The following PHKG1 variants were observed in gnomAD, a reference collection of about 807,000 sequenced individuals.
PHKG1 encodes the protein phosphorylase kinase catalytic subunit gamma 1, also known as phosphorylase b kinase gamma catalytic chain, skeletal muscle/heart isoform.
Under a neutral mutation model 50.5 loss-of-function variants are expected in PHKG1, and 48 were observed. That is an observed-to-expected ratio of 0.95 (90% CI 0.75 to 1.21). The LOEUF (loss-of-function observed/expected upper bound fraction) is 1.21, where lower values mean the gene tolerates loss of function less well. Ranked by LOEUF, PHKG1 falls within the 50% of genes most tolerant of loss-of-function variation. PHKG1 has a pLI of 0.00. For synonymous variants in PHKG1, 204 were observed against 212.8 expected (o/e 0.96, Z 0.36); for missense variants, 487 against 519.5 (o/e 0.94, Z 0.61).
intron 1 of PHKG1, among the ~76,000 whole-genome samples, chr7:56,091,999 G>A (rs902774686): frequency 2.0e-5 from 3 of 152,192 alleles, no homozygotes; most frequent in Admixed American, 6.6e-5. Context: ...GCTGGGTAGC[G>A]CTAGCTCTCT....
intron 4 of PHKG1, chr7:56,086,749 A>G: frequency 3.5e-6 from 2 of 566,414 alleles, no homozygotes; most frequent in East Asian, 2.9e-5. Context: ...TACTGATGAG[A>G]AAACCAAGAT....
intron 1 of PHKG1, among the ~76,000 whole-genome samples, chr7:56,091,229 A>G (rs1796483248): frequency 1.3e-5 from 2 of 150,064 alleles, no homozygotes; most frequent in African/African-American, 4.9e-5. Flanking sequence ...AAAATAAGAC[A>G]AAACAGGCTG....
At chr7:56,087,868 A>G in intron 2 of PHKG1, 92 bp from the exon 3 acceptor site, 1 of 972,156 alleles carries the variant, frequency 1.0e-6, no homozygotes, top group Non-Finnish European at 1.6e-6. Context: ...CCTGCCCTTG[A>G]CAGAGATTTA....
At position 56,080,891 on chromosome 7, in the gene PHKG1, T is replaced by C; in HGVS notation, c.*163A>G. ...GTGGTGGGAACACCCACTTCCCTTGTGCACAGCCTTTGAGAGGGGATCGTG... is the reference window on the plus strand; with the variant it reads ...GTGGTGGGAACACCCACTTCCCTTGCGCACAGCCTTTGAGAGGGGATCGTG... On this transcript the variant is annotated 3_prime_UTR_variant, in exon 10 of 10. Coordinates refer to ENST00000297373, the MANE Select transcript of PHKG1 (RefSeq NM_006213.5). 1.3e-6 allele frequency: 1 copy of C among 797,370 alleles called. No individual in the cohort carries two copies. Among genetic ancestry groups the C allele is most frequent in the Non-Finnish European group, 1.9e-6 (1 of 513,622 alleles). 49.4% of individuals were successfully genotyped at this position (797,370 alleles called of 1,614,324 possible). A position where few individuals can be genotyped will look rare whatever the true frequency, so the allele number is the denominator to read the frequency against.
At chr7:56,082,606 G>A (rs537014186) in intron 6 of PHKG1, among the ~76,000 whole-genome samples, 10 of 151,716 alleles carry the variant, frequency 6.6e-5, no homozygotes, top group Admixed American at 6.6e-4. Flanking sequence ...AAAAAAGAGA[G>A]GAAGTCCAAA....
At chr7:56,082,109 A>C in intron 7 of PHKG1, 54 bp downstream of exon 7, 1 of 1,611,068 alleles carries the variant, frequency 6.2e-7, no homozygotes, top group South Asian at 1.1e-5. Context: ...AGCCCTGCCT[A>C]CTTCCTCCCT....
Position 56,081,199 on chromosome 7 carries a change from AG to A in PHKG1, c.1018del (p.Leu340SerfsTer20). On this transcript the variant is annotated frameshift_variant, in exon 10 of 10. Coordinates refer to ENST00000297373, the MANE Select transcript of PHKG1 (RefSeq NM_006213.5). LOFTEE classifies it high-confidence loss of function. The surrounding 1 kb of genome is among the most constrained non-coding windows in gnomAD (Gnocchi z 4.6). ...GTCGATGAGCCGGCGCAGAGGCCGG[AG>A]GGCATAGGGGTCTCGGATGACGATC... Reference protein sequence around the residue: ...REIVIRDPYALRPLRRLIDAY... With the variant: ...REIVIRDPYAXRPLRRLIDAY... 6.2e-7 allele frequency: 1 copy of A among 1,613,902 alleles called. No homozygotes were observed. Among genetic ancestry groups the A allele is most frequent in the South Asian group, 1.1e-5 (1 of 91,078 alleles).
Position 56,081,712 on chromosome 7 carries a change from G to T in PHKG1, c.836C>A (p.Ala279Glu). Reference sequence around the variant, plus strand: ...GAAGGGGTGTGCCAAGGCCTCTTCCGCTGTGTAGCGGTTCTGGGGTTGCAC... The same window carrying T: ...GAAGGGGTGTGCCAAGGCCTCTTCCTCTGTGTAGCGGTTCTGGGGTTGCAC... ...LVVQPQNRYT[A>E]EEALAHPFFQ... Residue 279 changes from alanine (A) to glutamate (E), a missense_variant, in exon 9 of 10, where the codon GCG becomes GAG. Physicochemically the swap from Ala to Glu is moderately radical, Grantham distance 107. Coordinates refer to ENST00000297373, the MANE Select transcript of PHKG1 (RefSeq NM_006213.5). This position sits in a 1 kb window ranked among gnomAD's most constrained non-coding sequence, Gnocchi z 4.6. 1 of 1,613,868 alleles carries T rather than the reference G, an allele frequency of 6.2e-7. No homozygotes were observed. Among genetic ancestry groups the T allele is most frequent in the South Asian group, 1.1e-5 (1 of 91,086 alleles).
chr7:56,083,267 T>C lies in PHKG1; in HGVS notation c.547+11A>G, dbSNP rs752747377. ...GAGGCCTGGACGTGGGCCAAGGCCA[T>C]GTTACCAGACCTCGCAGCCTCTCTC... On this transcript the variant is annotated intron_variant, in intron 6 of 9. Coordinates refer to ENST00000297373, the MANE Select transcript of PHKG1 (RefSeq NM_006213.5). 1 of 1,613,610 alleles carries C rather than the reference T, an allele frequency of 6.2e-7. No homozygotes were observed. Among genetic ancestry groups the C allele is most frequent in the South Asian group, 1.1e-5 (1 of 91,036 alleles).
chr7:56,083,474 C>T (rs767454384), intron 5 of PHKG1, 33 bp from the exon 6 acceptor site: 1 of 1,611,502 alleles, frequency 6.2e-7, no homozygotes, highest in Non-Finnish European at 8.5e-7. Flanking sequence ...TACTCTTCCT[C>T]TGCTCAGGGT....
At chr7:56,087,816 A>G in intron 2 of PHKG1, 40 bp from the exon 3 acceptor site, 1 of 1,560,128 alleles carries the variant, frequency 6.4e-7, no homozygotes, top group Non-Finnish European at 8.8e-7. Context: ...GGGGCCCCTC[A>G]CCCCATGGGG....
intron 6 of PHKG1, among the ~76,000 whole-genome samples, chr7:56,082,470 G>A (rs1455461152): frequency 6.6e-6 from 1 of 152,184 alleles, no homozygotes; most frequent in African/African-American, 2.4e-5. Flanking sequence ...GCATGTGCCT[G>A]TAGTCCCAGC....
intron 4 of PHKG1, 185 bp downstream of exon 4, chr7:56,086,785 T>G: frequency 1.7e-6 from 1 of 602,216 alleles, no homozygotes. Context: ...AGCCCACAAG[T>G]GGTGAACCCA....
chr7:56,088,524 TAAAA>T (rs59230050), intron 2 of PHKG1: 6 of 147,476 alleles, frequency 4.1e-5, no homozygotes, highest in East Asian at 2.0e-4. Flanking sequence ...GACCCTATCT[TAAAA>T]AAAAAAAAAA....
intron 4 of PHKG1, chr7:56,084,184 G>A (rs1796150259): frequency 6.5e-7 from 1 of 1,534,284 alleles, no homozygotes; most frequent in Non-Finnish European, 8.7e-7. Flanking sequence ...TGGTGGACTT[G>A]GGAGAGTCCC....
chr7:56,087,558 A>T (rs779504419), intron 3 of PHKG1, 40 bp downstream of exon 3: 2 of 1,588,434 alleles, frequency 1.3e-6, no homozygotes, highest in Non-Finnish European at 8.6e-7. Flanking sequence ...GCAGAATCAC[A>T]GGGGGGCACC....
intron 5 of PHKG1, 40 bp from the exon 6 acceptor site, chr7:56,083,481 G>C: frequency 6.2e-7 from 1 of 1,608,748 alleles, no homozygotes; most frequent in Non-Finnish European, 8.5e-7. Context: ...CCTCTGCTCA[G>C]GGTCAGGTAA....
At chr7:56,085,204 G>A (rs56389944) in intron 4 of PHKG1, among the ~76,000 whole-genome samples, 26,441 of 151,222 alleles carry the variant, frequency 0.17, 2,612 homozygotes, top group Admixed American at 0.24. Flanking sequence ...CATCTGATCC[G>A]CCTGCCTCAG....
Position 56,081,935 on chromosome 7 carries a change from G to A in PHKG1, c.750C>T (p.Gly250=), listed in dbSNP as rs202235154. The change falls in exon 8 of 10, where the codon GGC becomes GGT. Residue 250 remains glycine (G), a synonymous_variant. Coordinates refer to ENST00000297373, the MANE Select transcript of PHKG1 (RefSeq NM_006213.5). The surrounding 1 kb of genome is among the most constrained non-coding windows in gnomAD (Gnocchi z 4.6). ...RMIMSGNYQF[G]SPEWDDYSDT... The stretch of plus-strand genomic sequence containing the variant: ...CCGAGTAATCATCCCACTCGGGCGA[G>A]CCAAACTGGTAGTTGCCGCTCATGA... The A allele has an allele frequency of 2.5e-6, 4 of 1,613,740 alleles. No homozygotes were observed. Among genetic ancestry groups the A allele is most frequent in the African/African-American group, 1.3e-5 (1 of 74,950 alleles).
Sources: gnomAD v4.1 joint callset for allele counts (sites outside exome capture counted in the v4.1 genomes callset) on GRCh38, gnomAD v4.1.1 for gene constraint, Gnocchi (gnomAD v3.1) non-coding constraint, MANE v1.5 for transcripts, NCBI Gene and HGNC (gene_info 2026-07-23, HGNC 2026-07-21) for gene names.